The following CPEB3 variants were observed in gnomAD, a reference collection of about 807,000 sequenced individuals.
CPEB3 encodes cytoplasmic polyadenylation element-binding protein 3.
In CPEB3, 20 loss-of-function variants were observed where a neutral mutation model predicts 67.2. That is an observed-to-expected ratio of 0.30 (90% confidence interval 0.21 to 0.43). CPEB3 has a LOEUF of 0.43. Ranked by LOEUF, CPEB3 falls within the 20% of genes least tolerant of loss-of-function variation. The probability of loss-of-function intolerance (pLI) is 1.00; values close to 1 mark genes in which losing one functional copy is unlikely to be tolerated. For missense variants in CPEB3, 746 were observed against 968.6 expected (o/e 0.77, Z 3.05); for synonymous variants, 376 against 393.1 (o/e 0.96, Z 0.51).
chr10:92,267,962 G>A (rs1452840738), intron 1 of CPEB3, among the ~76,000 whole-genome samples: 3 of 152,026 alleles, frequency 2.0e-5, no homozygotes, highest in Non-Finnish European at 2.9e-5. Flanking sequence ...GGGACTACAG[G>A]CACGCACCAC....
chr10:92,132,637 G>A (rs1176286858), intron 6 of CPEB3, among the ~76,000 whole-genome samples: 1 of 152,108 alleles, frequency 6.6e-6, no homozygotes, highest in East Asian at 1.9e-4. Flanking sequence ...GGATATCCAG[G>A]ACTTAAACTC....
chr10:92,203,143 G>A (rs1458121255), intron 2 of CPEB3, among the ~76,000 whole-genome samples: 3 of 150,872 alleles, frequency 2.0e-5, no homozygotes, highest in African/African-American at 4.9e-5. Context: ...GGGTTTCACC[G>A]TGTTAGCCAG....
In CPEB3 at chr10:92,213,625, A is replaced by G. The variant is rs191165851; in HGVS notation, c.1006-20989T>C. Among the ~76,000 whole-genome samples the G allele has an allele frequency of 6.9e-4, 105 of 152,290 alleles. 1 individual carries two copies. The highest frequency in any genetic ancestry group is 2.4e-3 in the African/African-American group (100 of 41,580). On this transcript the variant is annotated intron_variant, in intron 2 of 9. Coordinates refer to ENST00000265997, the MANE Select transcript of CPEB3 (RefSeq NM_014912.5). ...CTATAAACATGTCCTAAATTTTTAG[A>G]CTTTGTAGAACCTTACTATTTTTAT...
chr10:92,058,621 T>C (rs1842213722), intron 9 of CPEB3, among the ~76,000 whole-genome samples: 2 of 150,684 alleles, frequency 1.3e-5, no homozygotes, highest in African/African-American at 4.9e-5. Flanking sequence ...ATTAATTATA[T>C]ATATACACCC....
intron 6 of CPEB3, among the ~76,000 whole-genome samples, chr10:92,134,612 C>T (rs1021707341): frequency 6.6e-6 from 1 of 151,880 alleles, no homozygotes; most frequent in Non-Finnish European, 1.5e-5. Context: ...AGATTCAGTG[C>T]CATCCCCATC....
At chr10:92,234,105 CAAAA>C (rs1266057741) in intron 2 of CPEB3, among the ~76,000 whole-genome samples, 2 of 81,696 alleles carry the variant, frequency 2.4e-5, no homozygotes, top group African/African-American at 5.3e-5. Context: ...GACTTTGTCT[CAAAA>C]AAAAAAAAAA....
chr10:92,242,192 C>A (rs574774899), intron 1 of CPEB3, among the ~76,000 whole-genome samples: 50 of 152,152 alleles, frequency 3.3e-4, no homozygotes, highest in Non-Finnish European at 6.5e-4. Context: ...AAAGGAAATG[C>A]TTCGCAGCCA....
intron 7 of CPEB3, among the ~76,000 whole-genome samples, chr10:92,105,717 T>TG (rs1332630042): frequency 7.0e-6 from 1 of 142,750 alleles, no homozygotes; most frequent in African/African-American, 2.6e-5. Context: ...TTTTGTGGGT[T>TG]TTTTTTTTTT....
At chr10:92,120,098 C>CAAAAAAAAAAAAAAAAAAACAAGCAAA (rs1554890962) in intron 6 of CPEB3, among the ~76,000 whole-genome samples, 28 of 45,238 alleles carry the variant, frequency 6.2e-4, no homozygotes, top group African/African-American at 3.6e-3. Flanking sequence ...ACTAAAAATA[C>CAAAAAAAAAAAAAAAAAAACAAGCAAA]AAAAAAAAAA....
chr10:92,209,119 C>A (rs1849942374), intron 2 of CPEB3, among the ~76,000 whole-genome samples: 1 of 152,104 alleles, frequency 6.6e-6, no homozygotes, highest in African/African-American at 2.4e-5. Context: ...CAGCCCTGAG[C>A]ATACTTGGAA....
chr10:92,096,166 T>C (rs1298401992), intron 7 of CPEB3, among the ~76,000 whole-genome samples: 1 of 151,828 alleles, frequency 6.6e-6, no homozygotes, highest in Non-Finnish European at 1.5e-5. Context: ...TGAGCCACCA[T>C]GCCCAGCCTA....
intron 6 of CPEB3, 30 bp from the exon 7 acceptor site, chr10:92,111,224 G>T: frequency 7.4e-7 from 1 of 1,357,038 alleles, no homozygotes; most frequent in South Asian, 1.2e-5. Flanking sequence ...AAAGGGTAGA[G>T]GAAGAATCAG....
chr10:92,250,348 A>G (rs1852240278), intron 1 of CPEB3, among the ~76,000 whole-genome samples: 1 of 151,982 alleles, frequency 6.6e-6, no homozygotes, highest in South Asian at 2.1e-4. Context: ...CAGCCTCCCA[A>G]AGTGCTGGGA....
At chr10:92,196,308 C>T (rs1849233321) in intron 2 of CPEB3, among the ~76,000 whole-genome samples, 1 of 152,142 alleles carries the variant, frequency 6.6e-6, no homozygotes, top group African/African-American at 2.4e-5. Context: ...TGCAGAGGGT[C>T]AGTTTTGCAG....
At chr10:92,169,208 G>A (rs1405048241) in intron 4 of CPEB3, among the ~76,000 whole-genome samples, 10 of 132,206 alleles carry the variant, frequency 7.6e-5, no homozygotes, top group African/African-American at 8.6e-5. Context: ...GTGCAGTCTC[G>A]GCTCACTGCA....
intron 4 of CPEB3, among the ~76,000 whole-genome samples, chr10:92,159,263 AAAAT>A (rs1279319723): frequency 6.6e-6 from 1 of 151,996 alleles, no homozygotes; most frequent in Non-Finnish European, 1.5e-5. Context: ...ACTCTGTCTC[AAAAT>A]AAATAAGTAA....
At chr10:92,076,372 C>T (rs1033081723) in intron 9 of CPEB3, 7 of 152,074 alleles carry the variant, frequency 4.6e-5, no homozygotes, top group Non-Finnish European at 7.4e-5. Flanking sequence ...AAGACTTAGC[C>T]ACTACATAAT....
At chr10:92,192,681 T>A (rs773551839) in intron 2 of CPEB3, 45 bp from the exon 3 acceptor site, 1 of 1,446,796 alleles carries the variant, frequency 6.9e-7, no homozygotes, top group East Asian at 2.4e-5. Context: ...AATTACTTCA[T>A]AAAATTAACA....
intron 8 of CPEB3, among the ~76,000 whole-genome samples, chr10:92,087,185 G>T (rs947861899): frequency 4.6e-5 from 7 of 152,066 alleles, no homozygotes; most frequent in Non-Finnish European, 1.0e-4. Context: ...AAAAATTCAG[G>T]ATATATGTTC....
Sources: gnomAD v4.1 joint callset for allele counts (sites outside exome capture counted in the v4.1 genomes callset) on GRCh38, gnomAD v4.1.1 for gene constraint, MANE v1.5 for transcripts, NCBI Gene and HGNC (gene_info 2026-07-23, HGNC 2026-07-21) for gene names.